Variants in PCDH7 observed in about 807,000 individuals in gnomAD.
PCDH7 encodes protocadherin 7.
Under a neutral mutation model 58.9 loss-of-function variants are expected in PCDH7, and 17 were observed. The ratio of observed to expected loss-of-function variants is 0.29; its 90% confidence interval spans 0.20 to 0.43. The LOEUF is 0.43. Ranked by LOEUF, PCDH7 falls within the 20% of genes least tolerant of loss-of-function variation. The probability of loss-of-function intolerance (pLI) is 1.00; values close to 1 mark genes in which losing one functional copy is unlikely to be tolerated. For synonymous variants in PCDH7, 664 were observed against 616.4 expected (o/e 1.08, Z -1.14); for missense variants, 1,274 against 1,441.0 (o/e 0.88, Z 1.88).
At chr4:31,145,971 G>C (rs952555542), downstream of PCDH7, 1 of 151,946 alleles carries the variant, frequency 6.6e-6, no homozygotes, top group Non-Finnish European at 1.5e-5. Flanking sequence ...TTATACATTA[G>C]GACACATTTA....
chr4:30,793,223 G>T (rs941414596), intron 1 of PCDH7, among the ~76,000 whole-genome samples: 1 of 152,064 alleles, frequency 6.6e-6, no homozygotes, highest in Non-Finnish European at 1.5e-5. Flanking sequence ...CAAGGAGAAG[G>T]CAAACACAGA....
intron 1 of PCDH7, among the ~76,000 whole-genome samples, chr4:30,830,761 C>T (rs1729669940): frequency 1.3e-5 from 2 of 152,060 alleles, no homozygotes; most frequent in South Asian, 4.1e-4. Flanking sequence ...TCAACATGCC[C>T]ACAGATTTCT....
chr4:30,793,851 T>G (rs572168814), intron 1 of PCDH7: 1 of 152,288 alleles, frequency 6.6e-6, no homozygotes, highest in South Asian at 2.1e-4. Context: ...AGAAGATAAG[T>G]ATAAAGGTAA....
chr4:30,768,203 A>C (rs1290542341), intron 1 of PCDH7, among the ~76,000 whole-genome samples: 2 of 152,210 alleles, frequency 1.3e-5, no homozygotes, highest in Non-Finnish European at 2.9e-5. Context: ...AAGATCTAGC[A>C]GTTGTATCTT....
intron 3 of PCDH7, among the ~76,000 whole-genome samples, chr4:31,079,379 A>T: frequency 7.9e-6 from 1 of 127,206 alleles, no homozygotes; most frequent in Non-Finnish European, 1.6e-5. Context: ...ACATTTTCAA[A>T]ATAGACAGAA....
intron 3 of PCDH7, among the ~76,000 whole-genome samples, chr4:31,051,838 G>C (rs199977417): frequency 7.6e-6 from 1 of 130,892 alleles, no homozygotes; most frequent in African/African-American, 3.3e-5. Flanking sequence ...GTGTGTGGGG[G>C]GCGGGTAGGG....
intron 1 of PCDH7, among the ~76,000 whole-genome samples, chr4:30,816,898 A>G (rs955234880): frequency 2.0e-5 from 3 of 152,132 alleles, no homozygotes; most frequent in Non-Finnish European, 4.4e-5. Flanking sequence ...TTTGCATTCC[A>G]ATGTAGAAGA....
At chr4:30,875,618 A>G (rs1430703418) in intron 1 of PCDH7, among the ~76,000 whole-genome samples, 2 of 152,108 alleles carry the variant, frequency 1.3e-5, no homozygotes, top group Non-Finnish European at 2.9e-5. Context: ...AGATTAATGC[A>G]TCAGTGCATT....
chr4:30,983,400 T>G (rs1403029821), intron 3 of PCDH7, among the ~76,000 whole-genome samples: 7 of 152,186 alleles, frequency 4.6e-5, no homozygotes, highest in African/African-American at 1.7e-4. Flanking sequence ...AAAACTTGAG[T>G]GGAGGACTAG....
chr4:31,016,783 TTGTG>T (rs142533678), intron 3 of PCDH7, among the ~76,000 whole-genome samples: 1 of 150,562 alleles, frequency 6.6e-6, no homozygotes, highest in Non-Finnish European at 1.5e-5. Context: ...ATAAGGGCTA[TTGTG>T]TGTGTGTGTG....
At chr4:30,880,439 A>AG (rs1736822468) in intron 1 of PCDH7, among the ~76,000 whole-genome samples, 1 of 152,070 alleles carries the variant, frequency 6.6e-6, no homozygotes, top group South Asian at 2.1e-4. Flanking sequence ...TGTGGGACAC[A>AG]GAGGTATCAT....
intron 3 of PCDH7, among the ~76,000 whole-genome samples, chr4:30,986,488 T>C (rs1289704434): frequency 6.6e-6 from 1 of 152,056 alleles, no homozygotes; most frequent in Non-Finnish European, 1.5e-5. Context: ...TATATAGATA[T>C]TGTAGCAAAT....
intron 3 of PCDH7, among the ~76,000 whole-genome samples, chr4:31,130,316 G>C (rs530243563): frequency 2.0e-4 from 30 of 151,998 alleles, no homozygotes; most frequent in Non-Finnish European, 4.0e-4. Context: ...CAAATAATAC[G>C]GACAGTTGGA....
intron 3 of PCDH7, among the ~76,000 whole-genome samples, chr4:31,026,067 G>A (rs189298327): frequency 1.3e-5 from 2 of 152,222 alleles, no homozygotes; most frequent in East Asian, 3.9e-4. Flanking sequence ...GTCTTACACT[G>A]CCATTACTGA....
chr4:30,868,279 G>C (rs1436780290), intron 1 of PCDH7, among the ~76,000 whole-genome samples: 1 of 152,036 alleles, frequency 6.6e-6, no homozygotes, highest in Admixed American at 6.6e-5. Flanking sequence ...CTATTTTAAA[G>C]ATGAAGAAAT....
At chr4:30,847,320 G>A (rs1430780008) in intron 1 of PCDH7, among the ~76,000 whole-genome samples, 1 of 152,114 alleles carries the variant, frequency 6.6e-6, no homozygotes, top group African/African-American at 2.4e-5. Context: ...AGTAGTGTTA[G>A]CTTTCTGCAT....
chr4:31,073,697 T>C (rs1373817212), intron 3 of PCDH7, among the ~76,000 whole-genome samples: 1 of 152,320 alleles, frequency 6.6e-6, no homozygotes, highest in East Asian at 1.9e-4. Context: ...CAATGATGTA[T>C]AATCATTACA....
chr4:30,892,514 TCAAA>T (rs957768160), intron 1 of PCDH7, among the ~76,000 whole-genome samples: 39 of 152,062 alleles, frequency 2.6e-4, no homozygotes, highest in African/African-American at 9.4e-4. Context: ...AGAAACTGAA[TCAAA>T]CAATGCTAAG....
chr4:30,777,498 T>A (rs1236131714), intron 1 of PCDH7, among the ~76,000 whole-genome samples: 1 of 152,156 alleles, frequency 6.6e-6, no homozygotes, highest in Non-Finnish European at 1.5e-5. Flanking sequence ...ATGAATATTA[T>A]GTAAAGTGCT....
Sources: allele counts gnomAD v4.1 joint callset (sites outside exome capture counted in the v4.1 genomes callset), GRCh38; gene constraint gnomAD v4.1.1; transcripts MANE v1.5; gene names NCBI Gene and HGNC (gene_info 2026-07-23, HGNC 2026-07-21).